CROT: variants seen among roughly 807,000 people sequenced by gnomAD.
The protein encoded by CROT is peroxisomal carnitine O-octanoyltransferase.
Under a neutral mutation model 89.2 loss-of-function variants are expected in CROT, and 84 were observed. The ratio of observed to expected loss-of-function variants is 0.94; its 90% CI spans 0.79 to 1.13. The LOEUF (loss-of-function observed/expected upper bound fraction) is 1.13. Ranked by LOEUF, CROT falls within the 50% of genes most tolerant of loss-of-function variation. CROT has a pLI of 0.00. For missense variants in CROT, 711 were observed against 727.8 expected (o/e 0.98, Z 0.27); for synonymous variants, 212 against 239.5 (o/e 0.89, Z 1.06).
intron 14 of CROT, among the ~76,000 whole-genome samples, chr7:87,391,916 A>G (rs1447993853): frequency 6.6e-6 from 1 of 152,200 alleles, no homozygotes; most frequent in Non-Finnish European, 1.5e-5. Context: ...AAAGGATCCC[A>G]TTTGTGTTAT....
chr7:87,368,889 C>A (rs1806535016), intron 6 of CROT, among the ~76,000 whole-genome samples: 1 of 152,184 alleles, frequency 6.6e-6, no homozygotes, highest in Non-Finnish European at 1.5e-5. Flanking sequence ...GGACAAAATT[C>A]TTTTCCTTTG....
chr7:87,383,263 C>T lies in CROT; in HGVS notation c.1301+720C>T, dbSNP rs759670437. Among the ~76,000 whole-genome samples, 43 of 152,210 alleles carry T rather than the reference C, an allele frequency of 2.8e-4. 1 individual carries two copies. Among genetic ancestry groups the T allele is most frequent in the Admixed American group, 3.3e-4 (5 of 15,284 alleles). On this transcript the variant is annotated intron_variant, in intron 13 of 17. Coordinates refer to ENST00000331536, the MANE Select transcript of CROT (RefSeq NM_021151.4). ...AGCTAACTTCTCTTCAATCTCCTCT[C>T]CCCCCTACTCATCCCAATCTCTGTT...
At chr7:87,384,806 G>C (rs1807138106) in intron 13 of CROT, among the ~76,000 whole-genome samples, 1 of 152,132 alleles carries the variant, frequency 6.6e-6, no homozygotes, top group Non-Finnish European at 1.5e-5. Flanking sequence ...GTCTTACAGA[G>C]CATCCTCAAT....
At chr7:87,360,547 G>T (rs2115837045) in intron 4 of CROT, among the ~76,000 whole-genome samples, 1 of 152,202 alleles carries the variant, frequency 6.6e-6, no homozygotes, top group East Asian at 1.9e-4. Context: ...TGCCATGTTG[G>T]CCAGGCTGGT....
At chr7:87,347,545 G>A (rs1805725419) in intron 2 of CROT, among the ~76,000 whole-genome samples, 1 of 152,172 alleles carries the variant, frequency 6.6e-6, no homozygotes, top group African/African-American at 2.4e-5. Flanking sequence ...AAAATGGTGT[G>A]CAGCCAAAGT....
At position 87,392,762 on chromosome 7, in the gene CROT, A is replaced by G. The variant is rs373761346; in HGVS notation, c.1537A>G (p.Ile513Val). Residue 513 changes from isoleucine (I) to valine (V), a missense_variant, in exon 16 of 18, where the codon ATA (isoleucine) becomes GTA (valine). Coordinates refer to ENST00000331536, the MANE Select transcript of CROT (RefSeq NM_021151.4). ...FDRHLLGLLLIAKEEGLPVPE... is the reference protein window; with the variant it reads ...FDRHLLGLLLVAKEEGLPVPE... ...TCGTCACCTTTTAGGTCTCTTACTC[A>G]TAGCAAAAGAGGAAGGTCTTCCTGT... 23 of 1,613,768 alleles carry G rather than the reference A, an allele frequency of 1.4e-5. No individual in the cohort carries two copies. In the African/African-American group the frequency reaches 2.9e-4, roughly 21 times the overall value.
chr7:87,377,481 G>T, intron 10 of CROT, 31 bp downstream of exon 10: 1 of 1,233,182 alleles, frequency 8.1e-7, no homozygotes, highest in South Asian at 1.2e-5. Flanking sequence ...TTTCTCTTTT[G>T]ATCTTTTAGG....
chr7:87,374,977 T>C (rs1472979084), intron 7 of CROT, among the ~76,000 whole-genome samples: 1 of 152,040 alleles, frequency 6.6e-6, no homozygotes, highest in African/African-American at 2.4e-5. Flanking sequence ...AATTTCTTTA[T>C]GGGAGAACCC....
rs563405659 is a variant in CROT, at chr7:87,354,157, T to A, written c.115+4974T>A. The stretch of plus-strand genomic sequence containing the variant: ...ATAGTTACTCATTTAGCCAAAGTGA[T>A]AATGAAAATGCTTTAGAAGCAATAC... On this transcript the variant is annotated intron_variant, in intron 3 of 17. Transcript: ENST00000331536. Among the ~76,000 whole-genome samples, 85 of 152,312 alleles carry A rather than the reference T, an allele frequency of 5.6e-4. No homozygotes were observed. In the South Asian group the frequency reaches 9.1e-3, roughly 16 times the overall value.
chr7:87,388,976 A>T (rs1283047558), intron 13 of CROT, among the ~76,000 whole-genome samples: 2 of 152,246 alleles, frequency 1.3e-5, no homozygotes, highest in Non-Finnish European at 2.9e-5. Context: ...GTGAACAGAC[A>T]CTTCTCAAAA....
chr7:87,396,690 T>A (rs201071226), intron 17 of CROT, among the ~76,000 whole-genome samples: 1 of 148,894 alleles, frequency 6.7e-6, no homozygotes, highest in Non-Finnish European at 1.5e-5. Context: ...ATGCTGATTG[T>A]AAAAAAAAAA....
rs868801853 is a variant in CROT at position 87,358,460 on chromosome 7, C to T, written c.116-746C>T. ...TTACGCCACTGCACTCCAGCCTGGG[C>T]GACAGAGCGAGACTCCATCTCAAAA... On this transcript the variant is annotated intron_variant, in intron 3 of 17. Transcript: ENST00000331536. Among the ~76,000 whole-genome samples the T allele has an allele frequency of 2.1e-3, 248 of 119,538 alleles. 1 individual carries two copies. Among genetic ancestry groups the T allele is most frequent in the African/African-American group, 7.6e-3 (231 of 30,268 alleles). 78.4% of individuals were successfully genotyped at this position (119,538 alleles called of 152,430 possible).
rs750445851 is a variant in CROT, at chr7:87,349,203, G to C, written c.115+20G>C. 8.3e-7 allele frequency: 1 copy of C among 1,207,582 alleles called. No individual in the cohort carries two copies. The highest frequency in any genetic ancestry group is 2.0e-5 in the Admixed American group (1 of 49,732). The allele number at this position is 1,207,582 out of a possible 1,614,324, so 74.8% of individuals were successfully genotyped here. A position where few individuals can be genotyped will look rare whatever the true frequency, so the allele number is the denominator to read the frequency against. ...AATCAGGTATGTTAATAATCTTTTA[G>C]TATATATTAATATTATTAGTAACTT... On this transcript the variant is annotated intron_variant, in intron 3 of 17. Transcript: ENST00000331536.
chr7:87,356,190 A>T (rs1009652711), intron 3 of CROT, among the ~76,000 whole-genome samples: 1 of 152,194 alleles, frequency 6.6e-6, no homozygotes, highest in Non-Finnish European at 1.5e-5. Context: ...CATGTTGCCC[A>T]GGCTGCCAAC....
chr7:87,376,838 G>C (rs1018200818), intron 9 of CROT, among the ~76,000 whole-genome samples: 4 of 151,964 alleles, frequency 2.6e-5, no homozygotes, highest in African/African-American at 9.7e-5. Flanking sequence ...TTGTCTGTGA[G>C]GTACACTGAT....
At position 87,375,707 on chromosome 7, in the gene CROT, G is replaced by A. The variant is rs1332056321; in HGVS notation, c.732G>A (p.Glu244=). 3 of 1,613,598 alleles carry A rather than the reference G, an allele frequency of 1.9e-6. 1 individual carries two copies. Among genetic ancestry groups the A allele is most frequent in the South Asian group, 2.2e-5 (2 of 91,068 alleles). Reference sequence around the variant, plus strand: ...GGATTGCAGCATTAACTAGTGAGGAGCGAACTCGATGGGCTAAGGTTCTGA... The same window carrying A: ...GGATTGCAGCATTAACTAGTGAGGAACGAACTCGATGGGCTAAGGTTCTGA... ...GPGIAALTSE[E]RTRWAKAREY... is the part of the protein sequence containing the mutation. The change falls in exon 8 of 18, where the codon GAG becomes GAA. Residue 244 remains glutamate, a synonymous_variant. Transcript: ENST00000331536.
At chr7:87,355,600 A>G (rs1025629056) in intron 3 of CROT, among the ~76,000 whole-genome samples, 2 of 152,220 alleles carry the variant, frequency 1.3e-5, no homozygotes, top group African/African-American at 4.8e-5. Flanking sequence ...CATCAAGACC[A>G]GAAAAAAATG....
chr7:87,384,200 G>C (rs1807118431), intron 13 of CROT, among the ~76,000 whole-genome samples: 1 of 152,052 alleles, frequency 6.6e-6, no homozygotes, highest in South Asian at 2.1e-4. Flanking sequence ...TCATATACTT[G>C]TTGGCTGTTT....
chr7:87,378,734 A>G (rs957811013), intron 10 of CROT, among the ~76,000 whole-genome samples: 2 of 152,204 alleles, frequency 1.3e-5, no homozygotes, highest in East Asian at 3.9e-4. Flanking sequence ...ATCCTGGGGA[A>G]TCAGGTGCTT....
Sources: allele counts gnomAD v4.1 joint callset (sites outside exome capture counted in the v4.1 genomes callset), GRCh38; gene constraint gnomAD v4.1.1; transcripts MANE v1.5; gene names NCBI Gene and HGNC (gene_info 2026-07-23, HGNC 2026-07-21).